CAMK2A: variants seen among roughly 807,000 people sequenced by gnomAD.
The protein encoded by CAMK2A is calcium/calmodulin-dependent protein kinase type II subunit alpha.
In CAMK2A, 7 loss-of-function variants were observed where a neutral mutation model predicts 79.2. That is an observed-to-expected ratio of 0.09 (90% CI 0.05 to 0.17). The LOEUF (loss-of-function observed/expected upper bound fraction) is 0.17, where lower values mean the gene tolerates loss of function less well. Among genes scored for constraint, CAMK2A ranks in the 10% least tolerant of loss-of-function variants. The pLI is 1.00. For synonymous variants in CAMK2A, 242 were observed against 251.7 expected, an observed-to-expected ratio of 0.96 and a Z score of 0.36; for missense variants, 214 against 646.4, an observed-to-expected ratio of 0.33 and a Z score of 7.25.
At chr5:150,239,675 AC>A in intron 14 of CAMK2A, 28 bp downstream of exon 14, 1 of 1,611,460 alleles carries the variant, frequency 6.2e-7, no homozygotes, top group Non-Finnish European at 8.5e-7. Flanking sequence ...CCCAGCATTT[AC>A]CGGCGTTAGG....
intron 11 of CAMK2A, among the ~76,000 whole-genome samples, chr5:150,250,004 T>C (rs1411529435): frequency 6.6e-6 from 1 of 152,196 alleles, no homozygotes; most frequent in East Asian, 1.9e-4. Flanking sequence ...CACTGCCCCA[T>C]AACGCCCCAG....
intron 16 of CAMK2A, among the ~76,000 whole-genome samples, 197 bp from the exon 17 acceptor site, chr5:150,228,483 G>A (rs1754702084): frequency 1.3e-5 from 2 of 152,344 alleles, no homozygotes; most frequent in Admixed American, 1.3e-4. Context: ...GATCCGGGAA[G>A]CCTGGGTTCA....
intron 3 of CAMK2A, among the ~76,000 whole-genome samples, chr5:150,258,468 T>C (rs1048818530): frequency 5.3e-5 from 8 of 152,252 alleles, no homozygotes; most frequent in Non-Finnish European, 1.0e-4. Context: ...GCTAAAATAA[T>C]GCGGCAGTTA....
chr5:150,264,948 A>G lies in CAMK2A; in HGVS notation c.217+8T>C. On this transcript the variant is annotated splice_region_variant and intron_variant, in intron 3 of 18. Transcript: ENST00000671881. Reference sequence around the variant, plus strand: ...TCCCCTGCGCCCCTCTCATCCCACAAGGCTCACCGATGTTGGGGTGCTTCA... The same window carrying G: ...TCCCCTGCGCCCCTCTCATCCCACAGGGCTCACCGATGTTGGGGTGCTTCA... 1 of 1,612,774 alleles carries G rather than the reference A, an allele frequency of 6.2e-7. No individual in the cohort carries two copies. The highest frequency in any genetic ancestry group is 8.5e-7 in the Non-Finnish European group (1 of 1,178,940).
chr5:150,248,134 C>A (rs922375328), intron 11 of CAMK2A, among the ~76,000 whole-genome samples: 1 of 152,080 alleles, frequency 6.6e-6, no homozygotes, highest in Non-Finnish European at 1.5e-5. Context: ...AGCAGAGGCT[C>A]CTGAAGATGA....
Position 150,245,207 on chromosome 5 carries a change from G to A in CAMK2A, c.944-6C>T, listed in dbSNP as rs1755510968. On this transcript the variant is annotated splice_region_variant and splice_polypyrimidine_tract_variant and intron_variant, in intron 12 of 18. Coordinates refer to ENST00000671881, the MANE Select transcript of CAMK2A (RefSeq NM_015981.4). The stretch of plus-strand genomic sequence containing the variant: ...GTTTCCCCCACTCTTCCCTCCTGTG[G>A]AGGAGAAAAAGTAGAGGGTTAACAA... The A allele has an allele frequency of 1.9e-6, 3 of 1,613,480 alleles. No homozygotes were observed. Among genetic ancestry groups the A allele is most frequent in the African/African-American group, 2.7e-5 (2 of 74,908 alleles).
rs554489074 is a variant in CAMK2A, at chr5:150,254,866, A to G, written c.412-1320T>C. 1.6e-4 allele frequency among the ~76,000 whole-genome samples: 25 copies of G among 152,246 alleles called. No individual in the cohort carries two copies. The South Asian group carries it at 2.3e-3, about 14-fold the overall frequency. ...GTGGCCTACAGTAAGTGCTTGGTAA[A>G]TGTTAGTACTTCTATTTTTGGCTTG... On this transcript the variant is annotated intron_variant, in intron 6 of 18. Coordinates refer to ENST00000671881, the MANE Select transcript of CAMK2A (RefSeq NM_015981.4).
intron 17 of CAMK2A, among the ~76,000 whole-genome samples, chr5:150,226,738 A>T (rs1754614893): frequency 8.6e-6 from 1 of 116,938 alleles, no homozygotes; most frequent in Non-Finnish European, 1.8e-5. Context: ...CAGTCAAAAA[A>T]AAAAAAGGGG....
At chr5:150,255,934 A>G (rs966826008) in intron 6 of CAMK2A, among the ~76,000 whole-genome samples, 3 of 152,336 alleles carry the variant, frequency 2.0e-5, no homozygotes, top group Non-Finnish European at 4.4e-5. Context: ...CACTGATACC[A>G]TGAGGATCAG....
At chr5:150,237,987 G>A (rs1388325943) in intron 15 of CAMK2A, among the ~76,000 whole-genome samples, 1 of 152,108 alleles carries the variant, frequency 6.6e-6, no homozygotes, top group Non-Finnish European at 1.5e-5. Flanking sequence ...GAGCTTTCTG[G>A]ATTTTTGCTC....
In CAMK2A at chr5:150,221,189, A is replaced by C. The variant is rs1754289410; in HGVS notation, c.*1521T>G. On this transcript the variant is annotated 3_prime_UTR_variant, in exon 19 of 19. Coordinates refer to ENST00000671881, the MANE Select transcript of CAMK2A (RefSeq NM_015981.4). ...TGTTTTCTTCTTTTTGTTTGTTTTC[A>C]ACATACTTACTGCGTATAAAGTCAT... is the stretch of plus-strand genomic sequence containing the variant. 2 of 372,024 alleles carry C rather than the reference A, an allele frequency of 5.4e-6. No homozygotes were observed. Among genetic ancestry groups the C allele is most frequent in the Admixed American group, 9.1e-5 (2 of 21,866 alleles). 23.0% of individuals were successfully genotyped at this position (372,024 alleles called of 1,614,324 possible). A position where few individuals can be genotyped will look rare whatever the true frequency, so the allele number is the denominator to read the frequency against.
intron 13 of CAMK2A, among the ~76,000 whole-genome samples, chr5:150,243,831 C>A (rs536213196): frequency 2.0e-4 from 30 of 152,152 alleles, no homozygotes; most frequent in African/African-American, 7.2e-4. Context: ...AATACCCAGC[C>A]GAGGTCCAGC....
At chr5:150,249,383 C>T (rs1024450173) in intron 11 of CAMK2A, among the ~76,000 whole-genome samples, 1 of 152,244 alleles carries the variant, frequency 6.6e-6, no homozygotes, top group Non-Finnish European at 1.5e-5. Flanking sequence ...CAGTACTGGG[C>T]AGCTGGGGCG....
At chr5:150,267,406 C>T (rs1457354231) in intron 2 of CAMK2A, among the ~76,000 whole-genome samples, 1 of 152,232 alleles carries the variant, frequency 6.6e-6, no homozygotes, top group African/African-American at 2.4e-5. Flanking sequence ...TTGCTGTTTT[C>T]TCCCTGTGAG....
chr5:150,231,613 CAA>C (rs34708614), intron 15 of CAMK2A, among the ~76,000 whole-genome samples: 181 of 120,418 alleles, frequency 1.5e-3, no homozygotes, highest in Non-Finnish European at 1.8e-3. Flanking sequence ...CCCAGAAAGG[CAA>C]AAAAAAAAAA....
chr5:150,250,954 C>T (rs1019685829), intron 9 of CAMK2A, 144 bp from the exon 10 acceptor site: 3 of 902,400 alleles, frequency 3.3e-6, no homozygotes, highest in African/African-American at 3.3e-5. Context: ...TGGGGCTCCT[C>T]ACTGCAGGGG....
rs1257803526 is a variant in CAMK2A at position 150,284,493 on chromosome 5, G to A, written c.62+5071C>T. Among the ~76,000 whole-genome samples, 3 of 152,206 alleles carry A rather than the reference G, an allele frequency of 2.0e-5. No individual in the cohort carries two copies. Among genetic ancestry groups the A allele is most frequent in the Non-Finnish European group, 4.4e-5 (3 of 67,980 alleles). On this transcript the variant is annotated intron_variant, in intron 1 of 18. Transcript: ENST00000671881. This position sits in a 1 kb window ranked among gnomAD's most constrained non-coding sequence, Gnocchi z 5.3. ...ACTGTGTGCTTGTGGAGGGAGGTGG[G>A]GAGGAAGGGAGGGAGGGAGGGAGGC...
At position 150,231,313 on chromosome 5, in the gene CAMK2A, C is replaced by T. The variant is rs1490586907; in HGVS notation, c.1134G>A (p.Glu378=). ...GAGCCCAGCTGACTCACGTGTAGGA[C>T]TCAAAATCTCCATTGCTTATGGCTT... ...LIEAISNGDF[E]SYTKMCDPGM... Residue 378 remains glutamate, a synonymous_variant, in exon 16 of 19, where the codon GAG becomes GAA. Transcript: ENST00000671881. The T allele has an allele frequency of 1.3e-6, 2 of 1,588,336 alleles. No homozygotes were observed. Among genetic ancestry groups the T allele is most frequent in the South Asian group, 1.2e-5 (1 of 86,592 alleles).
chr5:150,282,250 G>T (rs1757247085), intron 1 of CAMK2A, among the ~76,000 whole-genome samples: 1 of 152,178 alleles, frequency 6.6e-6, no homozygotes, highest in South Asian at 2.1e-4. Context: ...GAAGTCTCGT[G>T]GGGGACACAG....
Sources: gnomAD v4.1 joint callset for allele counts (sites outside exome capture counted in the v4.1 genomes callset) on GRCh38, gnomAD v4.1.1 for gene constraint, Gnocchi (gnomAD v3.1) non-coding constraint, MANE v1.5 for transcripts, NCBI Gene and HGNC (gene_info 2026-07-23, HGNC 2026-07-21) for gene names.